LUZP2: variants seen among roughly 807,000 people sequenced by gnomAD.
LUZP2 encodes leucine zipper protein 2.
LUZP2 carries 52 observed loss-of-function variants against 51.6 expected under a neutral mutation model. The ratio of observed to expected loss-of-function variants is 1.01; its 90% CI spans 0.81 to 1.27. The LOEUF (loss-of-function observed/expected upper bound fraction) is 1.27, where lower values mean the gene tolerates loss of function less well. Among genes scored for constraint, LUZP2 ranks in the 50% most tolerant of loss-of-function variants. The pLI, the probability that LUZP2 is intolerant of heterozygous loss-of-function variation, is 0.00. For synonymous variants in LUZP2, 154 were observed against 137.3 expected (o/e 1.12, Z -0.85); for missense variants, 436 against 395.4 (o/e 1.10, Z -0.87).
chr11:24,949,451 G>T (rs190571158), intron 7 of LUZP2, among the ~76,000 whole-genome samples: 1 of 151,576 alleles, frequency 6.6e-6, no homozygotes, highest in African/African-American at 2.4e-5. Context: ...TTTAATTTAA[G>T]CAAGTAATTT....
intron 1 of LUZP2, among the ~76,000 whole-genome samples, chr11:24,667,182 T>C (rs1470319357): frequency 7.2e-6 from 1 of 139,104 alleles, no homozygotes; most frequent in Non-Finnish European, 1.5e-5. Flanking sequence ...TTTTCTTTTT[T>C]TCTTTTTTTT....
intron 1 of LUZP2, among the ~76,000 whole-genome samples, chr11:24,512,530 A>C (rs1850342771): frequency 6.6e-6 from 1 of 152,158 alleles, no homozygotes; most frequent in African/African-American, 2.4e-5. Context: ...TAAGTATGTA[A>C]AGTTTTTCAG....
At chr11:24,511,838 A>G (rs867846500) in intron 1 of LUZP2, among the ~76,000 whole-genome samples, 3 of 152,302 alleles carry the variant, frequency 2.0e-5, no homozygotes, top group Non-Finnish European at 4.4e-5. Context: ...GATATAGATG[A>G]TTTTTAAAAA....
At chr11:24,619,802 TA>T (rs1854430952) in intron 1 of LUZP2, among the ~76,000 whole-genome samples, 1 of 152,138 alleles carries the variant, frequency 6.6e-6, no homozygotes. Context: ...GTTTAGGGAA[TA>T]ATAATAAGAA....
At chr11:24,662,959 A>T (rs1396068702) in intron 1 of LUZP2, among the ~76,000 whole-genome samples, 1 of 152,076 alleles carries the variant, frequency 6.6e-6, no homozygotes, top group Non-Finnish European at 1.5e-5. Context: ...AAAATGATTC[A>T]GTTGTTTAGA....
chr11:24,933,634 G>C (rs1250174115), intron 7 of LUZP2, among the ~76,000 whole-genome samples: 1 of 152,138 alleles, frequency 6.6e-6, no homozygotes, highest in East Asian at 1.9e-4. Flanking sequence ...TGTTCATAAT[G>C]ATTATAGATT....
chr11:24,595,866 C>T (rs1294639601), intron 1 of LUZP2, among the ~76,000 whole-genome samples: 2 of 152,176 alleles, frequency 1.3e-5, no homozygotes, highest in Non-Finnish European at 2.9e-5. Context: ...GCCTCTGCTC[C>T]TGGGGCACCC....
chr11:24,560,298 T>G (rs933798817), intron 1 of LUZP2, among the ~76,000 whole-genome samples: 5 of 152,164 alleles, frequency 3.3e-5, no homozygotes, highest in African/African-American at 1.2e-4. Flanking sequence ...TCCAATAAAA[T>G]AAGCAAAATT....
intron 9 of LUZP2, among the ~76,000 whole-genome samples, chr11:25,013,699 T>G (rs1157252485): frequency 6.6e-6 from 1 of 152,120 alleles, no homozygotes; most frequent in African/African-American, 2.4e-5. Context: ...AATGATATAA[T>G]TTTTAATTTC....
At chr11:24,659,632 C>T (rs986167600) in intron 1 of LUZP2, among the ~76,000 whole-genome samples, 9 of 151,006 alleles carry the variant, frequency 6.0e-5, no homozygotes, top group Non-Finnish European at 1.0e-4. Flanking sequence ...TTTGGCAGCC[C>T]GTTCAAGCCT....
chr11:24,777,202 C>T (rs1848957583), intron 5 of LUZP2, among the ~76,000 whole-genome samples: 1 of 151,924 alleles, frequency 6.6e-6, no homozygotes, highest in Non-Finnish European at 1.5e-5. Context: ...ACCGTGTTAG[C>T]CAGGATGGTC....
intron 5 of LUZP2, among the ~76,000 whole-genome samples, chr11:24,871,411 C>T (rs973683877): frequency 1.4e-4 from 21 of 152,060 alleles, no homozygotes; most frequent in Non-Finnish European, 4.4e-5. Flanking sequence ...TACCAACTTG[C>T]TACCATCAGC....
intron 5 of LUZP2, among the ~76,000 whole-genome samples, chr11:24,846,105 A>G (rs1025224933): frequency 6.6e-6 from 1 of 152,042 alleles, no homozygotes; most frequent in Non-Finnish European, 1.5e-5. Context: ...GGGCTTAACC[A>G]GAACAGAGAG....
intron 7 of LUZP2, among the ~76,000 whole-genome samples, chr11:24,946,400 C>T (rs1854902906): frequency 6.6e-6 from 1 of 151,752 alleles, no homozygotes; most frequent in South Asian, 2.1e-4. Context: ...TGTCTCATGA[C>T]TATTTTGTTC....
intron 5 of LUZP2, among the ~76,000 whole-genome samples, chr11:24,770,946 G>T (rs1860391849): frequency 1.0e-5 from 1 of 96,512 alleles, no homozygotes; most frequent in Non-Finnish European, 2.6e-5. Context: ...GCCACTGCAG[G>T]CTCCAGCACC....
intron 1 of LUZP2, among the ~76,000 whole-genome samples, chr11:24,528,326 C>T (rs1466750446): frequency 6.6e-6 from 1 of 150,908 alleles, no homozygotes; most frequent in Non-Finnish European, 1.5e-5. Context: ...TGGATATACT[C>T]ATGTACAAAA....
intron 9 of LUZP2, among the ~76,000 whole-genome samples, chr11:25,033,367 T>A (rs2133994624): frequency 6.6e-6 from 1 of 152,202 alleles, no homozygotes; most frequent in South Asian, 2.1e-4. Flanking sequence ...CCATTTAGGT[T>A]TTTTAAATAT....
chr11:24,755,105 A>G (rs781537526), intron 4 of LUZP2, among the ~76,000 whole-genome samples: 13 of 151,812 alleles, frequency 8.6e-5, no homozygotes, highest in African/African-American at 3.1e-4. Context: ...AGATCATGCC[A>G]TTGCACTCCA....
At chr11:24,849,420 G>A (rs1166671377) in intron 5 of LUZP2, among the ~76,000 whole-genome samples, 1 of 152,022 alleles carries the variant, frequency 6.6e-6, no homozygotes, top group Non-Finnish European at 1.5e-5. Flanking sequence ...TGAGAATGAT[G>A]GTTTCCAGCT....
Sources: allele counts gnomAD v4.1 joint callset (sites outside exome capture counted in the v4.1 genomes callset), GRCh38; gene constraint gnomAD v4.1.1; transcripts MANE v1.5; gene names NCBI Gene and HGNC (gene_info 2026-07-23, HGNC 2026-07-21).